The following KIAA1217 variants were observed in gnomAD, a reference collection of about 807,000 sequenced individuals.
KIAA1217 encodes sickle tail protein homolog.
A neutral mutation model predicts 163.9 loss-of-function variants in KIAA1217; 88 were observed. The ratio of observed to expected loss-of-function variants is 0.54; its 90% CI spans 0.45 to 0.64. The LOEUF (loss-of-function observed/expected upper bound fraction) is 0.64, where lower values mean the gene tolerates loss of function less well. KIAA1217 is among the 30% of genes least tolerant of loss of function. The pLI is 0.00. For synonymous variants in KIAA1217, 903 were observed against 923.1 expected (o/e 0.98, Z 0.39); for missense variants, 2,372 against 2,475.0 (o/e 0.96, Z 0.88).
At chr10:24,367,127 G>A (rs2050897607) in intron 2 of KIAA1217, 1 of 985,028 alleles carries the variant, frequency 1.0e-6, no homozygotes, top group Non-Finnish European at 1.2e-6. Flanking sequence ...AGGCTTTGAA[G>A]GGCATGCTGA....
At chr10:24,372,127 G>T (rs1420951644) in intron 2 of KIAA1217, among the ~76,000 whole-genome samples, 2 of 152,114 alleles carry the variant, frequency 1.3e-5, no homozygotes, top group African/African-American at 2.4e-5. Flanking sequence ...CCGGGGGTTT[G>T]GTCGAGGTTC....
intron 3 of KIAA1217, among the ~76,000 whole-genome samples, chr10:24,406,207 A>T (rs1357249183): frequency 6.6e-6 from 1 of 152,222 alleles, no homozygotes; most frequent in Admixed American, 6.5e-5. Context: ...TGTTTTCTTC[A>T]TCAAGCTATA....
chr10:24,383,303 C>T (rs1402515598), intron 3 of KIAA1217, among the ~76,000 whole-genome samples: 2 of 152,182 alleles, frequency 1.3e-5, no homozygotes, highest in Non-Finnish European at 2.9e-5. Flanking sequence ...TGTCCGCCTT[C>T]CCCCATACCT....
chr10:24,067,034 A>G (rs2060978946), intron 2 of KIAA1217, among the ~76,000 whole-genome samples: 1 of 152,120 alleles, frequency 6.6e-6, no homozygotes, highest in Non-Finnish European at 1.5e-5. Context: ...TATTCTAGTT[A>G]TCCATTGATC....
chr10:23,816,206 T>A (rs1010525461), intron 1 of KIAA1217, among the ~76,000 whole-genome samples: 2 of 152,202 alleles, frequency 1.3e-5, no homozygotes, highest in Non-Finnish European at 2.9e-5. Flanking sequence ...AGTACTAGGT[T>A]ACAATTTTTT....
chr10:24,421,776 G>C (rs2131555622), intron 3 of KIAA1217, among the ~76,000 whole-genome samples: 1 of 152,212 alleles, frequency 6.6e-6, no homozygotes, highest in African/African-American at 2.4e-5. Context: ...TTTTAGGGCT[G>C]GACTGTCTAA....
chr10:23,762,186 AAATACAAAGGGGAGC>A (rs1448947686), intron 1 of KIAA1217, among the ~76,000 whole-genome samples: 2 of 152,202 alleles, frequency 1.3e-5, no homozygotes, highest in Non-Finnish European at 2.9e-5. Flanking sequence ...ATTCTACCAG[AAATACAAAGGGGAGC>A]TGATACCATT....
chr10:24,467,865 T>C (rs2063117137), intron 5 of KIAA1217, among the ~76,000 whole-genome samples: 1 of 151,942 alleles, frequency 6.6e-6, no homozygotes, highest in Non-Finnish European at 1.5e-5. Flanking sequence ...TTTGTAAGTT[T>C]AGTATAATTT....
At chr10:24,193,468 T>C (rs1324731603) in intron 2 of KIAA1217, among the ~76,000 whole-genome samples, 1 of 152,110 alleles carries the variant, frequency 6.6e-6, no homozygotes, top group Non-Finnish European at 1.5e-5. Context: ...TGCTGTCCTA[T>C]CTCTGGCGAT....
intron 1 of KIAA1217, among the ~76,000 whole-genome samples, chr10:23,889,091 G>T (rs532025873): frequency 6.6e-6 from 1 of 151,848 alleles, no homozygotes; most frequent in East Asian, 2.0e-4. Context: ...GAACATCTGG[G>T]TAGTTTGCAG....
At position 23,864,551 on chromosome 10, in the gene KIAA1217, CAT is replaced by C. The variant is rs1554814013; in HGVS notation, c.-320-142673_-320-142672del. ...ACACACACACACACACACACACACA[CAT>C]GAATACCCACAGTACTTTCAGCTTG... On this transcript the variant is annotated intron_variant, in intron 1 of 18. Coordinates refer to the KIAA1217 transcript ENST00000376462. Among the ~76,000 whole-genome samples the C allele has an allele frequency of 2.4e-3, 347 of 143,540 alleles. 1 individual carries two copies. The highest frequency in any genetic ancestry group is 8.5e-3 in the African/African-American group (336 of 39,660). 94.2% of individuals were successfully genotyped at this position (143,540 alleles called of 152,430 possible). A position where few individuals can be genotyped will look rare whatever the true frequency, so the allele number is the denominator to read the frequency against.
intron 2 of KIAA1217, among the ~76,000 whole-genome samples, chr10:24,297,940 G>A (rs2040814677): frequency 6.6e-6 from 1 of 151,592 alleles, no homozygotes; most frequent in Admixed American, 6.6e-5. Context: ...TACCTTGCAA[G>A]GCATAGGATA....
At chr10:24,524,293 G>T in intron 12 of KIAA1217, 30 bp from the exon 13 acceptor site, 1 of 1,588,178 alleles carries the variant, frequency 6.3e-7, no homozygotes, top group Admixed American at 1.7e-5. Context: ...TGACATGAGG[G>T]TTAATGCCGC....
chr10:24,001,120 T>A (rs1846725358), intron 1 of KIAA1217, among the ~76,000 whole-genome samples: 2 of 152,050 alleles, frequency 1.3e-5, no homozygotes. Flanking sequence ...CCAATGTGAG[T>A]ATATTTTAAT....
chr10:24,282,202 C>CG (rs1554792428), intron 2 of KIAA1217, among the ~76,000 whole-genome samples: 9 of 23,166 alleles, frequency 3.9e-4, no homozygotes, highest in Admixed American at 3.7e-3. Flanking sequence ...CTCACCTCTA[C>CG]AAAATTTTTT....
intron 2 of KIAA1217, among the ~76,000 whole-genome samples, chr10:24,064,179 T>C (rs1288621314): frequency 1.3e-5 from 2 of 152,226 alleles, no homozygotes; most frequent in Non-Finnish European, 2.9e-5. Flanking sequence ...CAACACTATG[T>C]TGAATAGGAG....
At chr10:23,987,244 G>C (rs1038711246) in intron 1 of KIAA1217, among the ~76,000 whole-genome samples, 8 of 151,636 alleles carry the variant, frequency 5.3e-5, no homozygotes, top group Non-Finnish European at 1.2e-4. Context: ...GGGTGTGGTG[G>C]TGGACGCCTG....
chr10:24,335,493 T>C (rs2046229581), intron 2 of KIAA1217, among the ~76,000 whole-genome samples: 1 of 151,906 alleles, frequency 6.6e-6, no homozygotes, highest in Non-Finnish European at 1.5e-5. Flanking sequence ...ATGAAAAAGA[T>C]GATCTAAAAT....
intron 1 of KIAA1217, among the ~76,000 whole-genome samples, chr10:23,710,403 T>C (rs1238892692): frequency 6.6e-6 from 1 of 152,228 alleles, no homozygotes; most frequent in African/African-American, 2.4e-5. Context: ...CTTCTGCATC[T>C]GATATTGATT....
Sources: gnomAD v4.1 joint callset for allele counts (sites outside exome capture counted in the v4.1 genomes callset) on GRCh38, gnomAD v4.1.1 for gene constraint, MANE v1.5 for transcripts, NCBI Gene and HGNC (gene_info 2026-07-23, HGNC 2026-07-21) for gene names.